The following TASP1 variants were observed in gnomAD, a reference collection of about 807,000 sequenced individuals.
TASP1 encodes the protein threonine aspartase 1.
TASP1 carries 16 observed loss-of-function variants against 56.6 expected under a neutral mutation model. The ratio of observed to expected loss-of-function variants is 0.28; its 90% CI spans 0.19 to 0.43. The LOEUF is 0.43. Ranked by LOEUF, TASP1 falls within the 20% of genes least tolerant of loss-of-function variation. The pLI is 1.00. For missense variants in TASP1, 393 were observed against 511.6 expected (o/e 0.77, Z 2.24); for synonymous variants, 179 against 184.2 (o/e 0.97, Z 0.23).
At chr20:13,122,076 T>C in the TASP1 span, among the ~76,000 whole-genome samples, 2 of 152,210 alleles carry the variant, frequency 1.3e-5, no homozygotes, top group Non-Finnish European at 2.9e-5. Flanking sequence ...GAGAATGCAG[T>C]TGAGTAATAC....
intron 4 of TASP1, among the ~76,000 whole-genome samples, chr20:13,588,827 G>C (rs2047415861): frequency 6.6e-6 from 1 of 152,014 alleles, no homozygotes; most frequent in Admixed American, 6.6e-5. Flanking sequence ...AATTCATATG[G>C]AAATGCAAGA....
At chr20:13,440,923 A>G (rs2043191032) in intron 11 of TASP1, among the ~76,000 whole-genome samples, 1 of 152,132 alleles carries the variant, frequency 6.6e-6, no homozygotes, top group South Asian at 2.1e-4. Flanking sequence ...TCTCTGAATA[A>G]CCTCAAAATG....
chr20:13,267,534 A>G, the TASP1 span, among the ~76,000 whole-genome samples: 2 of 152,116 alleles, frequency 1.3e-5, no homozygotes, highest in African/African-American at 4.8e-5. Flanking sequence ...TCTTCTTATT[A>G]TCTAATCTGC....
intron 10 of TASP1, among the ~76,000 whole-genome samples, chr20:13,485,049 G>A (rs1478940882): frequency 6.6e-6 from 1 of 152,012 alleles, no homozygotes; most frequent in Non-Finnish European, 1.5e-5. Context: ...TTGATGGGTG[G>A]AGCAAACCAC....
the TASP1 span, among the ~76,000 whole-genome samples, chr20:13,373,309 T>C: frequency 6.6e-6 from 1 of 152,098 alleles, no homozygotes; most frequent in Non-Finnish European, 1.5e-5. Flanking sequence ...AAGAAAAATA[T>C]ATATACTGTC....
intron 13 of TASP1, among the ~76,000 whole-genome samples, chr20:13,406,949 AG>A (rs2041948958): frequency 6.6e-6 from 1 of 152,154 alleles, no homozygotes. Flanking sequence ...TACAGGCATT[AG>A]CCACCGTGCC....
At chr20:13,151,391 G>A in the TASP1 span, among the ~76,000 whole-genome samples, 25 of 152,152 alleles carry the variant, frequency 1.6e-4, no homozygotes, top group Non-Finnish European at 1.5e-5. Flanking sequence ...TTTGGGTCAA[G>A]GGCATGCTCC....
At chr20:13,159,701 A>G in the TASP1 span, among the ~76,000 whole-genome samples, 1 of 152,196 alleles carries the variant, frequency 6.6e-6, no homozygotes, top group Non-Finnish European at 1.5e-5. Context: ...AACCAGAGTC[A>G]TAAACATCAG....
chr20:13,612,794 G>C (rs753156298), intron 4 of TASP1, among the ~76,000 whole-genome samples: 1 of 152,024 alleles, frequency 6.6e-6, no homozygotes, highest in Non-Finnish European at 1.5e-5. Flanking sequence ...CAGGGTTTAC[G>C]GAAGAAAAAT....
At chr20:13,638,395 G>C (rs1454292752) in intron 1 of TASP1, among the ~76,000 whole-genome samples, 1 of 151,008 alleles carries the variant, frequency 6.6e-6, no homozygotes, top group African/African-American at 2.4e-5. Context: ...CCATCTTCTC[G>C]GTCCTTTCCT....
At chr20:13,221,676 C>A in the TASP1 span, 1 of 1,055,758 alleles carries the variant, frequency 9.5e-7, no homozygotes, top group Non-Finnish European at 1.2e-6. Context: ...GAGGCGGGAG[C>A]CGCGCTGCCG....
At chr20:13,633,700 C>T (rs1445421208) in intron 1 of TASP1, among the ~76,000 whole-genome samples, 6 of 151,984 alleles carry the variant, frequency 3.9e-5, no homozygotes, top group African/African-American at 7.3e-5. Flanking sequence ...GTGAAACTGG[C>T]TAAGTGTACT....
the TASP1 span, among the ~76,000 whole-genome samples, chr20:13,268,920 A>G: frequency 6.6e-6 from 1 of 152,172 alleles, no homozygotes; most frequent in Non-Finnish European, 1.5e-5. Flanking sequence ...TCTCTAAAAA[A>G]TGACACATAA....
the TASP1 span, among the ~76,000 whole-genome samples, chr20:13,286,304 A>G: frequency 6.7e-6 from 1 of 149,408 alleles, no homozygotes; most frequent in Non-Finnish European, 1.5e-5. Context: ...ACTGAGAGAC[A>G]CCAGACTGCA....
intron 8 of TASP1, among the ~76,000 whole-genome samples, chr20:13,534,626 A>T (rs1038954161): frequency 3.3e-5 from 5 of 152,186 alleles, no homozygotes; most frequent in Non-Finnish European, 7.3e-5. Context: ...TTACAATCTT[A>T]AAGTATACCA....
the TASP1 span, among the ~76,000 whole-genome samples, chr20:13,330,246 C>T: frequency 6.6e-6 from 1 of 152,136 alleles, no homozygotes; most frequent in Non-Finnish European, 1.5e-5. Flanking sequence ...TGAGCCACCA[C>T]GCCTGGCTGT....
chr20:13,290,376 G>A, the TASP1 span, among the ~76,000 whole-genome samples: 1 of 152,214 alleles, frequency 6.6e-6, no homozygotes, highest in Non-Finnish European at 1.5e-5. Context: ...ATTGCCTGGT[G>A]CGGTGGCTCA....
the TASP1 span, among the ~76,000 whole-genome samples, chr20:13,185,568 ATTGT>A: frequency 1.3e-5 from 2 of 152,126 alleles, no homozygotes; most frequent in Non-Finnish European, 2.9e-5. Flanking sequence ...TATTATTGAA[ATTGT>A]TTATTTTCTG....
intron 12 of TASP1, among the ~76,000 whole-genome samples, chr20:13,426,568 A>T (rs2042624724): frequency 6.6e-6 from 1 of 152,188 alleles, no homozygotes. Flanking sequence ...CATGATTTAA[A>T]GGAAAGAAAG....
Sources: allele counts gnomAD v4.1 joint callset (sites outside exome capture counted in the v4.1 genomes callset), GRCh38; gene constraint gnomAD v4.1.1; transcripts MANE v1.5; gene names NCBI Gene and HGNC (gene_info 2026-07-23, HGNC 2026-07-21).